The following ARHGAP29 variants were observed in gnomAD, a reference collection of about 807,000 sequenced individuals.
ARHGAP29 encodes the protein rho GTPase-activating protein 29.
Under a neutral mutation model 122.6 loss-of-function variants are expected in ARHGAP29, and 43 were observed. The observed-to-expected ratio is 0.35, with a 90% CI of 0.27 to 0.45. The LOEUF (loss-of-function observed/expected upper bound fraction) is 0.45, where lower values mean the gene tolerates loss of function less well. ARHGAP29 is among the 20% of genes least tolerant of loss of function. ARHGAP29 has a pLI of 1.00. For synonymous variants in ARHGAP29, 506 were observed against 497.1 expected (o/e 1.02, Z -0.24); for missense variants, 1,303 against 1,477.2 (o/e 0.88, Z 1.93).
At chr1:94,287,954 A>G in the ARHGAP29 span, among the ~76,000 whole-genome samples, 1,334 of 152,284 alleles carry the variant, frequency 8.8e-3, 19 homozygotes, top group African/African-American at 0.031. Context: ...ATAGTCCCGC[A>G]ATAAACATGC....
At chr1:94,190,553 G>C (rs1203313683) in intron 12 of ARHGAP29, 1 of 152,458 alleles carries the variant, frequency 6.6e-6, no homozygotes, top group African/African-American at 2.4e-5. Flanking sequence ...CTAATAATTA[G>C]ATATTACCTT....
intron 22 of ARHGAP29, chr1:94,177,269 C>T (rs944799055): frequency 1.7e-5 from 3 of 178,132 alleles, no homozygotes; most frequent in Non-Finnish European, 3.5e-5. Context: ...CACTGAACTA[C>T]GGAACTGGAA....
chr1:94,296,513 C>A, the ARHGAP29 span, among the ~76,000 whole-genome samples: 28 of 152,314 alleles, frequency 1.8e-4, no homozygotes, highest in East Asian at 5.4e-3. Flanking sequence ...TTAATGCTAT[C>A]TTTGCTTTCA....
At chr1:94,313,670 T>G in the ARHGAP29 span, among the ~76,000 whole-genome samples, 3 of 152,330 alleles carry the variant, frequency 2.0e-5, no homozygotes, top group Admixed American at 6.5e-5. Context: ...TAAAGACATA[T>G]GCACACATAT....
At chr1:94,243,347 A>C (rs976989772) in intron 1 of ARHGAP29, among the ~76,000 whole-genome samples, 6 of 152,124 alleles carry the variant, frequency 3.9e-5, no homozygotes, top group African/African-American at 1.4e-4. Flanking sequence ...CACACAGTGT[A>C]TGTCCTCTGA....
At chr1:94,209,165 T>G in intron 4 of ARHGAP29, 89 bp downstream of exon 4, 1 of 1,008,322 alleles carries the variant, frequency 9.9e-7, no homozygotes, top group African/African-American at 1.6e-5. Flanking sequence ...ATTTAATACT[T>G]CGTTTCCCAT....
At chr1:94,205,788 G>A in intron 5 of ARHGAP29, 105 bp from the exon 6 acceptor site, 1 of 959,764 alleles carries the variant, frequency 1.0e-6, no homozygotes, top group Non-Finnish European at 1.6e-6. Context: ...TCCTGCTAAA[G>A]AATTTCAAGT....
the ARHGAP29 span, among the ~76,000 whole-genome samples, chr1:94,308,307 T>A: frequency 6.6e-6 from 1 of 152,168 alleles, no homozygotes; most frequent in Non-Finnish European, 1.5e-5. Context: ...AGTAGTAAGG[T>A]TCTCAATTTA....
chr1:94,250,200 G>C (rs372797267), intron 1 of ARHGAP29, among the ~76,000 whole-genome samples: 45 of 152,290 alleles, frequency 3.0e-4, no homozygotes, highest in African/African-American at 1.0e-3. Flanking sequence ...GAGCAGAGTG[G>C]ACAGGTGCTC....
chr1:94,203,220 A>T lies in ARHGAP29; in HGVS notation c.763-10T>A, dbSNP rs760577844. On this transcript the variant is annotated splice_polypyrimidine_tract_variant and intron_variant, in intron 8 of 22. Coordinates refer to ENST00000260526, the MANE Select transcript of ARHGAP29 (RefSeq NM_004815.4). The stretch of plus-strand genomic sequence containing the variant: ...GCAGTGGCATGAACTCCTAAAATTT[A>T]AAATTGAAAAGTAAATTTTACAATA... The T allele has an allele frequency of 6.4e-7, 1 of 1,571,306 alleles. No individual in the cohort carries two copies.
chr1:94,201,656 A>C, intron 12 of ARHGAP29, 64 bp downstream of exon 12: 1 of 1,589,292 alleles, frequency 6.3e-7, no homozygotes, highest in Non-Finnish European at 8.6e-7. Context: ...TACAGGTGTG[A>C]GCCACCATGC....
intron 2 of ARHGAP29, among the ~76,000 whole-genome samples, chr1:94,227,621 T>C (rs1471869761): frequency 6.6e-6 from 1 of 151,800 alleles, no homozygotes; most frequent in African/African-American, 2.4e-5. Context: ...AAAAGGCCTT[T>C]ACATTTTCCA....
Position 94,188,919 on chromosome 1 carries a change from C to G in ARHGAP29, c.1599G>C (p.Trp533Cys). The change falls in exon 15 of 23, where the codon TGG (tryptophan) becomes TGC (cysteine). Residue 533 changes from tryptophan to cysteine, a missense_variant. Physicochemically the swap from Trp to Cys is radical, Grantham distance 215. This residue lies in a region of ARHGAP29 where 592 missense variants were observed against 648.2 expected (regional missense o/e 0.91). Coordinates refer to ENST00000260526, the MANE Select transcript of ARHGAP29 (RefSeq NM_004815.4). ...CAGAATCACTAAACATCCCAAATGT[C>G]CATGATCTTATAAAGGAAGGACCTT... ...DITGPSFIRSWTFGMFSDSES... is the reference protein window; with the variant it reads ...DITGPSFIRSCTFGMFSDSES... 7 of 1,612,926 alleles carry G rather than the reference C, an allele frequency of 4.3e-6. No individual in the cohort carries two copies. Among genetic ancestry groups the G allele is most frequent in the Non-Finnish European group, 5.9e-6 (7 of 1,179,230 alleles).
intron 12 of ARHGAP29, among the ~76,000 whole-genome samples, chr1:94,198,607 T>C (rs1650618805): frequency 1.3e-5 from 2 of 152,156 alleles, no homozygotes; most frequent in South Asian, 4.1e-4. Context: ...CATACGTATA[T>C]AGGATTAAAT....
intron 19 of ARHGAP29, among the ~76,000 whole-genome samples, chr1:94,183,615 C>T (rs949235967): frequency 6.6e-6 from 1 of 152,160 alleles, no homozygotes. Context: ...AGGACTCATT[C>T]ATCATCTTGG....
At chr1:94,180,533 C>T (rs2101363834) in intron 19 of ARHGAP29, among the ~76,000 whole-genome samples, 1 of 152,292 alleles carries the variant, frequency 6.6e-6, no homozygotes, top group South Asian at 2.1e-4. Context: ...AATGTTTCCG[C>T]TTGCTCTGTG....
At position 94,273,098 on chromosome 1, in the gene ARHGAP29, A is replaced by G. The variant is rs1252090709; in HGVS notation, c.-33+1914T>C. 2.6e-5 allele frequency among the ~76,000 whole-genome samples: 4 copies of G among 152,198 alleles called. No individual in the cohort carries two copies. In the East Asian group the frequency reaches 5.8e-4, roughly 22 times the overall value. On this transcript the variant is annotated intron_variant and NMD_transcript_variant, in intron 1 of 25. Transcript: ENST00000552844. The stretch of plus-strand genomic sequence containing the variant: ...TGTGACCAAGCAGGTAACTCCTCAG[A>G]TGGATAGATGAGTACTTAAAGGATT...
At chr1:94,250,703 C>T (rs1488917722) in intron 1 of ARHGAP29, among the ~76,000 whole-genome samples, 1 of 152,182 alleles carries the variant, frequency 6.6e-6, no homozygotes, top group African/African-American at 2.4e-5. Flanking sequence ...GAATTCTGTG[C>T]TGTCATAAGG....
the ARHGAP29 span, among the ~76,000 whole-genome samples, chr1:94,292,523 G>A: frequency 1.3e-5 from 2 of 152,172 alleles, no homozygotes; most frequent in Non-Finnish European, 2.9e-5. Context: ...TTCCTTTGGA[G>A]GAGAAGAGGC....
Sources: allele counts gnomAD v4.1 joint callset (sites outside exome capture counted in the v4.1 genomes callset), GRCh38; gene constraint gnomAD v4.1.1; regional missense constraint gnomAD v4.1.1; transcripts MANE v1.5; gene names NCBI Gene and HGNC (gene_info 2026-07-23, HGNC 2026-07-21).